NRG1: variants seen among roughly 807,000 people sequenced by gnomAD.
The protein encoded by NRG1 is pro-neuregulin-1, membrane-bound isoform.
NRG1 carries 18 observed loss-of-function variants against 63.8 expected under a neutral mutation model. The ratio of observed to expected loss-of-function variants is 0.28; its 90% confidence interval spans 0.19 to 0.42. NRG1 has a LOEUF of 0.42. NRG1 is among the 10% of genes least tolerant of loss of function. NRG1 has a pLI of 1.00. For missense variants in NRG1, 762 were observed against 814.7 expected (o/e 0.94, Z 0.79); for synonymous variants, 302 against 301.3 (o/e 1.00, Z -0.02).
chr8:32,742,790 C>T lies in NRG1; in HGVS notation c.691+57C>T, dbSNP rs758659064. The T allele has an allele frequency of 5.6e-6, 9 of 1,613,268 alleles. No homozygotes were observed. The highest frequency in any genetic ancestry group is 6.8e-6 in the Non-Finnish European group (8 of 1,179,400). On this transcript the variant is annotated intron_variant, in intron 7 of 11. Transcript: ENST00000356819. This position sits in a 1 kb window ranked among gnomAD's most constrained non-coding sequence, Gnocchi z 4.2. ...ATAGGAGCATGCTCAGTTGGTGCTG[C>T]TTTCTTGTTGCTGCATCTCCCCTCA...
intron 1 of NRG1, among the ~76,000 whole-genome samples, chr8:32,464,288 C>A (rs569176474): frequency 7.3e-6 from 1 of 136,162 alleles, no homozygotes; most frequent in Admixed American, 7.3e-5. Context: ...CACCCCCCCC[C>A]ACCCCACCAT....
chr8:32,528,611 C>G (rs1231898367), intron 1 of NRG1, among the ~76,000 whole-genome samples: 1 of 152,100 alleles, frequency 6.6e-6, no homozygotes, highest in African/African-American at 2.4e-5. Context: ...TTCTCTTCTT[C>G]CCACATTGTT....
intron 1 of NRG1, among the ~76,000 whole-genome samples, chr8:32,231,915 A>T (rs1846996983): frequency 2.0e-5 from 3 of 151,194 alleles, no homozygotes; most frequent in African/African-American, 7.3e-5. Context: ...AAAAAATTAA[A>T]TTAAAGTTAT....
At chr8:32,143,247 G>A (rs1169420984) in intron 1 of NRG1, among the ~76,000 whole-genome samples, 4 of 151,816 alleles carry the variant, frequency 2.6e-5, no homozygotes, top group African/African-American at 9.7e-5. Context: ...TTTTTTTGGG[G>A]GGGGAAGAAA....
At chr8:31,752,545 A>G (rs1037657035) in intron 1 of NRG1, among the ~76,000 whole-genome samples, 2 of 152,088 alleles carry the variant, frequency 1.3e-5, no homozygotes, top group South Asian at 4.1e-4. Flanking sequence ...TCTGTAATCT[A>G]GGCTTGTCAT....
At chr8:32,530,194 G>A (rs1563591356) in intron 1 of NRG1, among the ~76,000 whole-genome samples, 1 of 151,690 alleles carries the variant, frequency 6.6e-6, no homozygotes. Flanking sequence ...TGCAAGGTCC[G>A]CCTCCCGGGT....
chr8:32,272,990 A>G lies in NRG1; in HGVS notation c.38-322838A>G, dbSNP rs547660485. 7.2e-5 allele frequency among the ~76,000 whole-genome samples: 11 copies of G among 152,324 alleles called. No individual in the cohort carries two copies. The South Asian group carries it at 8.3e-4, about 11-fold the overall frequency. On this transcript the variant is annotated intron_variant, in intron 1 of 10. Coordinates refer to the NRG1 transcript ENST00000519301. ...CTGGAGCGTTGTTTTTTGATTGACAAAATAATGAACTCTCTGATAAGAGTC... is the reference window on the plus strand; with the variant it reads ...CTGGAGCGTTGTTTTTTGATTGACAGAATAATGAACTCTCTGATAAGAGTC...
At chr8:32,193,972 C>A (rs991840536) in intron 1 of NRG1, among the ~76,000 whole-genome samples, 51 of 152,336 alleles carry the variant, frequency 3.3e-4, no homozygotes, top group African/African-American at 1.2e-3. Context: ...ACCTTGATCT[C>A]AAACTTCCAG....
At chr8:32,194,999 T>C (rs1842829473) in intron 1 of NRG1, among the ~76,000 whole-genome samples, 1 of 152,196 alleles carries the variant, frequency 6.6e-6, no homozygotes, top group South Asian at 2.1e-4. Flanking sequence ...GATTTAGCTA[T>C]ATGTAAGTTA....
intron 1 of NRG1, among the ~76,000 whole-genome samples, chr8:31,870,741 T>C (rs532815191): frequency 6.4e-4 from 98 of 152,260 alleles, no homozygotes; most frequent in African/African-American, 2.3e-3. Flanking sequence ...TTGATTTATT[T>C]ATTTATTTTT....
chr8:32,492,627 T>C (rs1826731846), intron 1 of NRG1, among the ~76,000 whole-genome samples: 1 of 152,144 alleles, frequency 6.6e-6, no homozygotes, highest in African/African-American at 2.4e-5. Flanking sequence ...ATATGAGGAT[T>C]TCCAAGGTGA....
chr8:32,647,147 T>G, intron 5 of NRG1: 1 of 985,380 alleles, frequency 1.0e-6, no homozygotes, highest in Non-Finnish European at 1.2e-6. Flanking sequence ...GGCAGGCACC[T>G]GCTGCTCTGT....
At chr8:31,758,370 T>A (rs1405612232) in intron 1 of NRG1, among the ~76,000 whole-genome samples, 1 of 152,144 alleles carries the variant, frequency 6.6e-6, no homozygotes, top group African/African-American at 2.4e-5. Flanking sequence ...ACTGGGTATA[T>A]ACCCAAAGGA....
At chr8:32,691,457 A>G (rs1811628926) in intron 5 of NRG1, among the ~76,000 whole-genome samples, 1 of 152,150 alleles carries the variant, frequency 6.6e-6, no homozygotes, top group Non-Finnish European at 1.5e-5. Flanking sequence ...ACCACCCCAA[A>G]CATACCTATT....
chr8:31,901,354 G>C (rs977904766), intron 1 of NRG1, among the ~76,000 whole-genome samples: 2 of 152,056 alleles, frequency 1.3e-5, no homozygotes, highest in Non-Finnish European at 2.9e-5. Context: ...ACAATTTTAC[G>C]ACTGCATTGT....
At chr8:31,809,322 CT>C (rs551319966) in intron 1 of NRG1, among the ~76,000 whole-genome samples, 1 of 129,896 alleles carries the variant, frequency 7.7e-6, no homozygotes, top group South Asian at 3.4e-4. Flanking sequence ...TTTTTTTTTT[CT>C]CTCTCTCTCT....
At chr8:31,924,854 AT>A (rs2129619382) in intron 1 of NRG1, among the ~76,000 whole-genome samples, 1 of 151,512 alleles carries the variant, frequency 6.6e-6, no homozygotes, top group East Asian at 1.9e-4. Context: ...TTTTTCTTTA[AT>A]CCAGGGGTTA....
intron 1 of NRG1, among the ~76,000 whole-genome samples, chr8:32,329,194 C>T (rs574668226): frequency 4.8e-4 from 73 of 152,214 alleles, no homozygotes; most frequent in African/African-American, 1.7e-3. Context: ...GTCTTGACTT[C>T]GTGGGCTCAA....
chr8:32,711,228 T>G (rs1321402880), intron 5 of NRG1, among the ~76,000 whole-genome samples: 2 of 152,156 alleles, frequency 1.3e-5, no homozygotes, highest in Non-Finnish European at 2.9e-5. Context: ...CCTCAGTTTT[T>G]TTTTTTTTTT....
Sources: allele counts gnomAD v4.1 joint callset (sites outside exome capture counted in the v4.1 genomes callset), GRCh38; gene constraint gnomAD v4.1.1; non-coding constraint Gnocchi (gnomAD v3.1); transcripts MANE v1.5; gene names NCBI Gene and HGNC (gene_info 2026-07-23, HGNC 2026-07-21).